The following PPEF1 variants were observed in gnomAD, a reference collection of about 807,000 sequenced individuals.
PPEF1 encodes the protein serine/threonine-protein phosphatase with EF-hands 1.
A neutral mutation model predicts 53.3 loss-of-function variants in PPEF1; 12 were observed. The ratio of observed to expected loss-of-function variants is 0.23; its 90% CI spans 0.14 to 0.36. PPEF1 has a LOEUF of 0.36. Ranked by LOEUF, PPEF1 falls within the 10% of genes least tolerant of loss-of-function variation. PPEF1 has a pLI of 1.00. For synonymous variants in PPEF1, 165 were observed against 176.7 expected (o/e 0.93, Z 0.52); for missense variants, 334 against 490.4 (o/e 0.68, Z 3.01).
chrX:18,794,689 T>A (rs1644092561), intron 10 of PPEF1, among the ~76,000 whole-genome samples: 1 of 112,453 alleles, frequency 8.9e-6, no homozygotes, highest in Non-Finnish European at 1.9e-5. Flanking sequence ...GTGACCCCAG[T>A]CCTCTCTGCT....
In PPEF1 at chrX:18,779,028, A is replaced by G. The variant is rs201401712; in HGVS notation, c.577A>G (p.Arg193Gly). Reference sequence around the variant, plus strand: ...TCCACAGAATGGTCTCCCCTCAGAGAGGAACCCGTATGTTTTTAATGGTGA... The same window carrying G: ...TCCACAGAATGGTCTCCCCTCAGAGGGGAACCCGTATGTTTTTAATGGTGA... ...IFYKNGLPSE[R>G]NPYVFNGDFV... is the part of the protein sequence containing the mutation. Residue 193 changes from arginine (R) to glycine (G), a missense_variant, in exon 7 of 16, where the codon AGG (arginine) becomes GGG (glycine). By Grantham distance (125) the Arg-to-Gly change is moderately radical. Coordinates refer to ENST00000470157, the MANE Select transcript of PPEF1 (RefSeq NM_001377996.1). 1.3e-5 allele frequency: 15 copies of G among 1,197,701 alleles called. No individual in the cohort carries two copies. In the African/African-American group the frequency reaches 2.5e-4, roughly 20 times the overall value.
chrX:18,789,789 T>C (rs761794510), intron 10 of PPEF1, among the ~76,000 whole-genome samples: 1 of 112,589 alleles, frequency 8.9e-6, no homozygotes, highest in Non-Finnish European at 1.9e-5. Flanking sequence ...TATTTGTTGC[T>C]GAATAATATT....
intron 10 of PPEF1, among the ~76,000 whole-genome samples, chrX:18,790,486 T>C (rs1022127964): frequency 8.1e-5 from 9 of 111,460 alleles, no homozygotes; most frequent in Admixed American, 2.9e-4. Context: ...ATATTTTTTC[T>C]CTTTGGTTGC....
chrX:18,758,713 G>A (rs184131711), intron 5 of PPEF1, among the ~76,000 whole-genome samples: 101 of 110,823 alleles, frequency 9.1e-4, no homozygotes, highest in Non-Finnish European at 1.3e-3. Context: ...TAGAGACTTC[G>A]GGTCATGAGG....
At chrX:18,779,598 G>A (rs987577561) in intron 7 of PPEF1, among the ~76,000 whole-genome samples, 7 of 111,778 alleles carry the variant, frequency 6.3e-5, no homozygotes, top group Admixed American at 9.6e-5. Flanking sequence ...TCACCGATGC[G>A]TGTATTGTTT....
intron 1 of PPEF1, among the ~76,000 whole-genome samples, chrX:18,710,530 T>C (rs762800413): frequency 8.9e-6 from 1 of 111,827 alleles, no homozygotes; most frequent in East Asian, 2.8e-4. Flanking sequence ...GAACAGACAT[T>C]TTTTCAAAAG....
chrX:18,799,083 A>G (rs2046492334), intron 10 of PPEF1, among the ~76,000 whole-genome samples: 1 of 111,549 alleles, frequency 9.0e-6, no homozygotes, highest in African/African-American at 3.2e-5. Context: ...TAAAAATACA[A>G]AAATTAGCCG....
In PPEF1 at chrX:18,721,470, T is replaced by C. The variant is rs374878179; in HGVS notation, c.47-8711T>C. Among the ~76,000 whole-genome samples the C allele has an allele frequency of 2.6e-4, 29 of 111,651 alleles. 3 individuals carry two copies. The highest frequency in any genetic ancestry group is 2.3e-3 in the Admixed American group (24 of 10,375). On this transcript the variant is annotated intron_variant, in intron 1 of 15. Coordinates refer to ENST00000470157, the MANE Select transcript of PPEF1 (RefSeq NM_001377996.1). Reference sequence around the variant, plus strand: ...GATGGTTATTTTCAGCTTTTCTATGTACAGTGATAGGTGGGCTGCAGCAAT... The same window carrying C: ...GATGGTTATTTTCAGCTTTTCTATGCACAGTGATAGGTGGGCTGCAGCAAT...
intron 4 of PPEF1, among the ~76,000 whole-genome samples, chrX:18,755,528 C>T (rs1292644323): frequency 4.5e-5 from 5 of 112,218 alleles, no homozygotes; most frequent in Non-Finnish European, 7.5e-5. Flanking sequence ...GATCGTGCCA[C>T]CGCACTCCAG....
intron 3 of PPEF1, among the ~76,000 whole-genome samples, chrX:18,740,534 T>C (rs2045127723): frequency 9.1e-6 from 1 of 109,771 alleles, no homozygotes. Context: ...CTCAGCCTCC[T>C]GAGTGTCTGG....
intron 7 of PPEF1, among the ~76,000 whole-genome samples, chrX:18,781,908 G>A (rs1196552653): frequency 1.4e-4 from 16 of 110,773 alleles, no homozygotes; most frequent in African/African-American, 3.9e-4. Flanking sequence ...CTTGTTACCT[G>A]CTAGGTAACA....
At chrX:18,715,963 A>G (rs896040495) in intron 1 of PPEF1, among the ~76,000 whole-genome samples, 6 of 112,238 alleles carry the variant, frequency 5.3e-5, no homozygotes, top group African/African-American at 1.6e-4. Flanking sequence ...AGCACTTTGG[A>G]AACACTGATA....
intron 1 of PPEF1, among the ~76,000 whole-genome samples, chrX:18,726,628 A>G (rs919919471): frequency 9.3e-6 from 1 of 107,755 alleles, no homozygotes; most frequent in Non-Finnish European, 1.9e-5. Flanking sequence ...ATTTTGTTCT[A>G]TTATTACAGA....
In PPEF1 at chrX:18,733,748, T is replaced by C. The variant is rs771613708; in HGVS notation, c.175T>C (p.Leu59=). 8.4e-7 allele frequency: 1 copy of C among 1,186,489 alleles called. No individual in the cohort carries two copies. The highest frequency in any genetic ancestry group is 1.8e-5 in the African/African-American group (1 of 56,700). The change falls in exon 3 of 16, where the codon TTA becomes CTA. Residue 59 remains leucine (L), a splice_region_variant and synonymous_variant. Coordinates refer to ENST00000470157, the MANE Select transcript of PPEF1 (RefSeq NM_001377996.1). ...ATTAATTTTTTTTTATTTTGTCCAG[T>C]TATCCACCTTCTTTTCCTTCATGTT... is the stretch of plus-strand genomic sequence containing the variant. ...EYADEQGQMQ[L]STFFSFMLEN... is the part of the protein sequence containing the mutation.
At chrX:18,681,804 G>C (rs1234960543), upstream of PPEF1, among the ~76,000 whole-genome samples, 1 of 111,584 alleles carries the variant, frequency 9.0e-6, no homozygotes, top group Non-Finnish European at 1.9e-5. Context: ...GAGCCAGTGT[G>C]GTGGCTGCTT....
chrX:18,678,182 G>A (rs995193318), upstream of PPEF1, among the ~76,000 whole-genome samples: 3 of 99,791 alleles, frequency 3.0e-5, no homozygotes, highest in Admixed American at 3.4e-4. Context: ...TATAATCCCA[G>A]CACTTCGGGA....
At chrX:18,821,195 A>C (rs1249153617) in intron 13 of PPEF1, among the ~76,000 whole-genome samples, 10 of 100,773 alleles carry the variant, frequency 9.9e-5, no homozygotes, top group African/African-American at 1.8e-4. Flanking sequence ...TGCACTCCAG[A>C]CTGGGAGAGA....
upstream of PPEF1, among the ~76,000 whole-genome samples, chrX:18,678,128 CAAAAAA>C (rs57502489): frequency 5.9e-5 from 2 of 33,747 alleles, no homozygotes; most frequent in East Asian, 9.1e-4. Flanking sequence ...GAGAACCTGG[CAAAAAA>C]AAAAAAAAAA....
upstream of PPEF1, among the ~76,000 whole-genome samples, chrX:18,680,430 T>TC (rs1491325011): frequency 7.7e-3 from 176 of 22,844 alleles, no homozygotes; most frequent in African/African-American, 0.065. Context: ...ATTTCTTCTC[T>TC]TTTTTTTTTT....
Sources: allele counts gnomAD v4.1 joint callset (sites outside exome capture counted in the v4.1 genomes callset), GRCh38; gene constraint gnomAD v4.1.1; transcripts MANE v1.5; gene names NCBI Gene and HGNC (gene_info 2026-07-23, HGNC 2026-07-21).